Variants in ZNF423 observed in about 807,000 individuals in gnomAD.
ZNF423 encodes Ebf-associated zinc finger protein.
In ZNF423, 12 loss-of-function variants were observed where a neutral mutation model predicts 95.8. The ratio of observed to expected loss-of-function variants is 0.13; its 90% CI spans 0.08 to 0.20. The LOEUF is 0.20. ZNF423 is among the 10% of genes least tolerant of loss of function. ZNF423 has a pLI of 1.00. For missense variants in ZNF423, 1,316 were observed against 1,737.1 expected (o/e 0.76, Z 4.31); for synonymous variants, 749 against 711.9 (o/e 1.05, Z -0.83).
chr16:49,556,752 G>A (rs1325396644), intron 5 of ZNF423, among the ~76,000 whole-genome samples: 1 of 152,196 alleles, frequency 6.6e-6, no homozygotes, highest in East Asian at 1.9e-4. Flanking sequence ...ATAGAACACT[G>A]TATAACTCAA....
intron 5 of ZNF423, among the ~76,000 whole-genome samples, chr16:49,588,807 C>T (rs1450259199): frequency 6.6e-6 from 1 of 152,218 alleles, no homozygotes; most frequent in Non-Finnish European, 1.5e-5. Flanking sequence ...GAAAGTGCTG[C>T]CTGCTACCAC....
chr16:49,680,130 G>A (rs1241055255), intron 3 of ZNF423, among the ~76,000 whole-genome samples: 2 of 152,202 alleles, frequency 1.3e-5, no homozygotes, highest in Non-Finnish European at 2.9e-5. Context: ...ACACTCATGG[G>A]GACAACCTGC....
At position 49,607,814 on chromosome 16, in the gene ZNF423, G is replaced by A. The variant is rs1971586863; in HGVS notation, c.3601+18356C>T. ...ATCCAAATGCTACAATTCCACAACA[G>A]CTTCCTAAGGCCCCACCTGTGGGAA... On this transcript the variant is annotated intron_variant, in intron 5 of 7. Coordinates refer to ENST00000563137, the MANE Select transcript of ZNF423 (RefSeq NM_001379286.1). 2.0e-5 allele frequency among the ~76,000 whole-genome samples: 3 copies of A among 152,302 alleles called. No individual in the cohort carries two copies. The Middle Eastern group carries it at 0.01, about 518-fold the overall frequency.
intron 3 of ZNF423, among the ~76,000 whole-genome samples, chr16:49,725,425 T>C (rs988315446): frequency 1.3e-5 from 2 of 152,124 alleles, no homozygotes; most frequent in Non-Finnish European, 2.9e-5. Flanking sequence ...CAGCGTCACC[T>C]TGGACACCAA....
chr16:49,564,535 G>A (rs991395855), intron 5 of ZNF423, among the ~76,000 whole-genome samples: 1 of 152,212 alleles, frequency 6.6e-6, no homozygotes, highest in African/African-American at 2.4e-5. Flanking sequence ...CAGCCCCCAT[G>A]TTGTAGCCAG....
intron 1 of ZNF423, among the ~76,000 whole-genome samples, chr16:49,835,764 C>T (rs564670619): frequency 3.3e-5 from 5 of 152,302 alleles, no homozygotes; most frequent in East Asian, 3.9e-4. Context: ...GCAGAGGGTC[C>T]GGTGCCTGGG....
rs1242818439 is a variant in ZNF423, at chr16:49,601,869, AG to A, written c.3601+24300del. ...AGGAAACAGATGGGCAGCCTCAGGC[AG>A]GGGCTTGTTCCTCAAGACCCTGAGT... is the stretch of plus-strand genomic sequence containing the variant. On this transcript the variant is annotated intron_variant, in intron 5 of 7. Transcript: ENST00000563137. 3.3e-5 allele frequency among the ~76,000 whole-genome samples: 5 copies of A among 152,328 alleles called. No homozygotes were observed. In the East Asian group the frequency reaches 9.7e-4, roughly 29 times the overall value.
intron 1 of ZNF423, among the ~76,000 whole-genome samples, chr16:49,814,745 C>T (rs979032865): frequency 6.6e-6 from 1 of 151,990 alleles, no homozygotes; most frequent in Admixed American, 6.6e-5. Flanking sequence ...AGGCCTAGCA[C>T]CCCATTTATC....
At chr16:49,734,701 A>T (rs1258997519) in intron 2 of ZNF423, among the ~76,000 whole-genome samples, 3 of 152,200 alleles carry the variant, frequency 2.0e-5, no homozygotes, top group African/African-American at 7.2e-5. Context: ...AAACCGAACC[A>T]GTGCTGTGAA....
chr16:49,543,676 C>T, intron 5 of ZNF423, among the ~76,000 whole-genome samples: 1 of 152,344 alleles, frequency 6.6e-6, no homozygotes, highest in Middle Eastern at 3.4e-3. Context: ...CCATCAGCTT[C>T]CCCGCCAAGG....
rs182713554 is a variant in ZNF423, at chr16:49,559,126, C to T, written c.3602-33632G>A. Among the ~76,000 whole-genome samples the T allele has an allele frequency of 4.6e-5, 7 of 152,338 alleles. No individual in the cohort carries two copies. In the East Asian group the frequency reaches 1.4e-3, roughly 29 times the overall value. ...GACTCCTAAACACCACTCTGAAAGG[C>T]AGTTGTATGTCTGGGGTGGGGAGTA... is the stretch of plus-strand genomic sequence containing the variant. On this transcript the variant is annotated intron_variant, in intron 5 of 7. Coordinates refer to ENST00000563137, the MANE Select transcript of ZNF423 (RefSeq NM_001379286.1).
chr16:49,527,065 C>T (rs745474405), intron 5 of ZNF423, among the ~76,000 whole-genome samples: 53 of 152,250 alleles, frequency 3.5e-4, no homozygotes, highest in Middle Eastern at 3.4e-3. Flanking sequence ...AGGCTCCTGG[C>T]GAGTCCCTGG....
At chr16:49,731,124 T>C (rs1411139309) in intron 2 of ZNF423, among the ~76,000 whole-genome samples, 153 bp from the exon 3 acceptor site, 1 of 152,100 alleles carries the variant, frequency 6.6e-6, no homozygotes, top group African/African-American at 2.4e-5. Flanking sequence ...ATAGATGGGG[T>C]TTTTTTGTAG....
At chr16:49,857,611 C>T (rs1384554730), upstream of ZNF423, 1 of 152,242 alleles carries the variant, frequency 6.6e-6, no homozygotes, top group Non-Finnish European at 1.5e-5. The surrounding 1 kb of genome is among the most constrained non-coding windows in gnomAD (Gnocchi z 6.2). Flanking sequence ...GTTCAAAGAC[C>T]ACCCCTGCCC....
chr16:49,782,697 C>T (rs1038323424), intron 2 of ZNF423, among the ~76,000 whole-genome samples: 4 of 152,232 alleles, frequency 2.6e-5, no homozygotes, highest in African/African-American at 4.8e-5. Context: ...CCTCTCCCTG[C>T]TGCTGTTCCA....
chr16:49,514,320 C>G (rs912963568), intron 7 of ZNF423, among the ~76,000 whole-genome samples: 1 of 152,084 alleles, frequency 6.6e-6, no homozygotes, highest in African/African-American at 2.4e-5. Flanking sequence ...CTGAAATCCC[C>G]TAGTTCATGT....
At chr16:49,778,477 C>T (rs949087115) in intron 2 of ZNF423, among the ~76,000 whole-genome samples, 3 of 152,256 alleles carry the variant, frequency 2.0e-5, no homozygotes, top group African/African-American at 4.8e-5. Flanking sequence ...GGAACCTGAT[C>T]TCAGGTCAGC....
chr16:49,566,400 G>A (rs1970191347), intron 5 of ZNF423, among the ~76,000 whole-genome samples: 1 of 152,210 alleles, frequency 6.6e-6, no homozygotes, highest in African/African-American at 2.4e-5. Context: ...GCAGATGGGT[G>A]CAGCCTGCCT....
chr16:49,517,841 C>A (rs1363183437), intron 7 of ZNF423: 5 of 414,256 alleles, frequency 1.2e-5, no homozygotes, highest in Non-Finnish European at 2.4e-5. Context: ...CTTACTGTTC[C>A]CGCTTTGCTC....
Sources: allele counts gnomAD v4.1 joint callset (sites outside exome capture counted in the v4.1 genomes callset), GRCh38; gene constraint gnomAD v4.1.1; non-coding constraint Gnocchi (gnomAD v3.1); transcripts MANE v1.5; gene names NCBI Gene and HGNC (gene_info 2026-07-23, HGNC 2026-07-21).